NAV2: variants seen among roughly 807,000 people sequenced by gnomAD.
NAV2 encodes the protein helicase, APC down-regulated 1.
Under a neutral mutation model 223.2 loss-of-function variants are expected in NAV2, and 54 were observed. The observed-to-expected ratio is 0.24, with a 90% CI of 0.19 to 0.30. The LOEUF is 0.30. Ranked by LOEUF, NAV2 falls within the 10% of genes least tolerant of loss-of-function variation. The pLI is 1.00. For missense variants in NAV2, 2,806 were observed against 3,147.5 expected (o/e 0.89, Z 2.60); for synonymous variants, 1,279 against 1,239.3 (o/e 1.03, Z -0.67).
At chr11:19,404,536 T>C (rs889973858) in intron 1 of NAV2, among the ~76,000 whole-genome samples, 4 of 81,256 alleles carry the variant, frequency 4.9e-5, no homozygotes, top group African/African-American at 1.6e-4. Context: ...GATGCTTTTA[T>C]AGATATAGTT....
intron 1 of NAV2, among the ~76,000 whole-genome samples, chr11:19,479,693 G>A (rs190040006): frequency 6.6e-5 from 10 of 152,166 alleles, no homozygotes; most frequent in Non-Finnish European, 1.3e-4. Context: ...ACTGTAATCA[G>A]CCCATTAAAA....
chr11:19,759,514 C>T (rs758316909), intron 1 of NAV2, among the ~76,000 whole-genome samples: 1 of 152,082 alleles, frequency 6.6e-6, no homozygotes, highest in Non-Finnish European at 1.5e-5. Flanking sequence ...GGGAAAAAAA[C>T]AAAAACCAAA....
chr11:19,540,248 G>A (rs1417507360), intron 1 of NAV2, among the ~76,000 whole-genome samples: 1 of 152,064 alleles, frequency 6.6e-6, no homozygotes, highest in African/African-American at 2.4e-5. Context: ...AAGACTGGTT[G>A]CCGTCAAGGT....
chr11:19,448,730 G>A (rs1851679055), intron 1 of NAV2, among the ~76,000 whole-genome samples: 1 of 152,356 alleles, frequency 6.6e-6, no homozygotes, highest in South Asian at 2.1e-4. Context: ...TGAATGCAAT[G>A]ATATATGTAG....
In NAV2 at chr11:20,105,813, G is replaced by A. The variant is rs1030704131; in HGVS notation, c.6841+86G>A. The A allele has an allele frequency of 7.6e-6, 8 of 1,054,770 alleles. No individual in the cohort carries two copies. In the African/African-American group the frequency reaches 9.5e-5, roughly 13 times the overall value. 65.3% of individuals were successfully genotyped at this position (1,054,770 alleles called of 1,614,324 possible). ...CCCTGGCCAGGACAGCACTTTGCAG[G>A]CACAGTCAGCAGAAGCTGGACTGTC... On this transcript the variant is annotated intron_variant, in intron 35 of 37. Transcript: ENST00000349880.
In NAV2 at chr11:20,036,051, C is replaced by G; in HGVS notation, c.2861C>G (p.Ser954Cys). 1 of 1,614,234 alleles carries G rather than the reference C, an allele frequency of 6.2e-7. No individual in the cohort carries two copies. Among genetic ancestry groups the G allele is most frequent in the Non-Finnish European group, 8.5e-7 (1 of 1,180,024 alleles). Residue 954 changes from serine (S) to cysteine (C), a missense_variant, in exon 12 of 38, where the codon TCT becomes TGT. Ser to Cys is a moderately radical substitution (Grantham distance 112, BLOSUM62 -1). This residue lies in a region of NAV2 where 73 missense variants were observed against 119.7 expected (regional missense o/e 0.61). Coordinates refer to ENST00000349880, the MANE Select transcript of NAV2 (RefSeq NM_145117.5). ...DDINTSSSIS[S>C]YANTPASSRK... Reference sequence around the variant, plus strand: ...ATCAACACCAGCTCCTCCATCAGCTCTTATGCCAACACACCTGCCTCCTCT... The same window carrying G: ...ATCAACACCAGCTCCTCCATCAGCTGTTATGCCAACACACCTGCCTCCTCT...
intron 10 of NAV2, among the ~76,000 whole-genome samples, chr11:19,958,653 T>C (rs1265383782): frequency 2.0e-5 from 3 of 152,236 alleles, no homozygotes; most frequent in African/African-American, 7.2e-5. Flanking sequence ...GCCCAGTGCC[T>C]GGCATGCATG....
In NAV2 at chr11:19,575,436, A is replaced by ACCCACTGGTTT. The variant is rs201579659; in HGVS notation, c.75+224413_75+224414insCTGGTTTCCCA. 1,154 of 154,274 alleles carry ACCCACTGGTTT rather than the reference A, an allele frequency of 7.5e-3. 27 individuals are homozygous for ACCCACTGGTTT. The highest frequency in any genetic ancestry group is 0.025 in the African/African-American group (1,059 of 41,600). The allele number at this position is 154,274 out of a possible 1,614,324, so 9.6% of individuals were successfully genotyped here. A position where few individuals can be genotyped will look rare whatever the true frequency, so the allele number is the denominator to read the frequency against. ...CTACAGCAGCCAGAATGCCAGTCAG[A>ACCCACTGGTTT]CCCATCCACGGTGCTCCACGCCTGG... On this transcript the variant is annotated intron_variant, in intron 1 of 37. Coordinates refer to the NAV2 transcript ENST00000360655.
chr11:20,088,584 A>G (rs1050147140), intron 26 of NAV2, among the ~76,000 whole-genome samples: 2 of 152,226 alleles, frequency 1.3e-5, no homozygotes, highest in African/African-American at 4.8e-5. Flanking sequence ...TAGGGAGGAC[A>G]AAGTCCTCCC....
chr11:19,978,258 G>C (rs1294455570), intron 10 of NAV2, among the ~76,000 whole-genome samples: 1 of 152,080 alleles, frequency 6.6e-6, no homozygotes, highest in African/African-American at 2.4e-5. Flanking sequence ...TCTTTTCCAG[G>C]TCTGTCCAGA....
At chr11:19,964,754 G>A (rs2048619467) in intron 10 of NAV2, among the ~76,000 whole-genome samples, 1 of 146,960 alleles carries the variant, frequency 6.8e-6, no homozygotes, top group East Asian at 2.0e-4. Context: ...TCCTGTCTCA[G>A]CCTCCCAAAA....
intron 22 of NAV2, among the ~76,000 whole-genome samples, chr11:20,072,453 T>TC (rs1291763591): frequency 6.6e-6 from 1 of 151,980 alleles, no homozygotes; most frequent in African/African-American, 2.4e-5. Flanking sequence ...TAAAGTAGTT[T>TC]TTTTACAATT....
At position 19,437,096 on chromosome 11, in the gene NAV2, G is replaced by A. The variant is rs766965295; in HGVS notation, c.75+86069G>A. 4.3e-4 allele frequency among the ~76,000 whole-genome samples: 66 copies of A among 152,180 alleles called. 1 individual carries two copies. Among genetic ancestry groups the A allele is most frequent in the Admixed American group, 2.0e-4 (3 of 15,266 alleles). ...TTTTCTTGCCTAATTACTAAAATGAGGTAGGCAAGACTGTGAAAGCAGCAG... is the reference window on the plus strand; with the variant it reads ...TTTTCTTGCCTAATTACTAAAATGAAGTAGGCAAGACTGTGAAAGCAGCAG... On this transcript the variant is annotated intron_variant, in intron 1 of 37. Transcript: ENST00000360655.
At chr11:19,583,590 G>C (rs1226063273) in intron 1 of NAV2, among the ~76,000 whole-genome samples, 1 of 152,202 alleles carries the variant, frequency 6.6e-6, no homozygotes, top group Admixed American at 6.5e-5. Context: ...AGCATGAAGA[G>C]TTGTTGAATT....
rs555977303 is a variant in NAV2, at chr11:19,882,142, C to T, written c.770+2015C>T. ...GATCTGATTGGCAGGTCAAAAAATC[C>T]ACCTTTGCTTCTCTTTGGAGAATGA... On this transcript the variant is annotated intron_variant, in intron 5 of 37. Coordinates refer to ENST00000349880, the MANE Select transcript of NAV2 (RefSeq NM_145117.5). Among the ~76,000 whole-genome samples the T allele has an allele frequency of 1.1e-4, 16 of 152,270 alleles. No homozygotes were observed. The South Asian group carries it at 1.9e-3, about 18-fold the overall frequency.
chr11:19,383,774 A>G (rs1848933926), intron 1 of NAV2, among the ~76,000 whole-genome samples: 1 of 152,242 alleles, frequency 6.6e-6, no homozygotes, highest in Non-Finnish European at 1.5e-5. Flanking sequence ...CCTGCTGTAT[A>G]CTTGCTCAAT....
chr11:19,691,190 T>A (rs1182281506), intron 1 of NAV2, among the ~76,000 whole-genome samples: 1 of 151,990 alleles, frequency 6.6e-6, no homozygotes, highest in Non-Finnish European at 1.5e-5. Context: ...GCCAGCGTTA[T>A]CCAGTAGAAA....
At chr11:19,837,012 C>T (rs1264325062) in intron 2 of NAV2, among the ~76,000 whole-genome samples, 1 of 152,184 alleles carries the variant, frequency 6.6e-6, no homozygotes, top group East Asian at 1.9e-4. Context: ...CTCCAAACAC[C>T]ATTACATTAG....
At chr11:20,012,694 A>AAG (rs10632880) in intron 11 of NAV2, among the ~76,000 whole-genome samples, 145,710 of 147,012 alleles carry the variant, frequency 0.99, 72,222 homozygotes, top group Middle Eastern at 1. Context: ...AAAAAAAAGA[A>AAG]GGGGGAAAAG....
Sources: allele counts gnomAD v4.1 joint callset (sites outside exome capture counted in the v4.1 genomes callset), GRCh38; gene constraint gnomAD v4.1.1; regional missense constraint gnomAD v4.1.1; transcripts MANE v1.5; gene names NCBI Gene and HGNC (gene_info 2026-07-23, HGNC 2026-07-21).